Variants in MEF2C observed in about 807,000 individuals in gnomAD.
The protein encoded by MEF2C is myocyte-specific enhancer factor 2C.
Under a neutral mutation model 50.5 loss-of-function variants are expected in MEF2C, and 6 were observed. That is an observed-to-expected ratio of 0.12 (90% confidence interval 0.07 to 0.23). The LOEUF (loss-of-function observed/expected upper bound fraction) is 0.23. Ranked by LOEUF, MEF2C falls within the 10% of genes least tolerant of loss-of-function variation. MEF2C has a pLI of 1.00. For synonymous variants in MEF2C, 183 were observed against 228.0 expected, an observed-to-expected ratio of 0.80 and a Z score of 1.78; for missense variants, 276 against 605.0, an observed-to-expected ratio of 0.46 and a Z score of 5.70.
At chr5:88,819,398 C>G (rs535778369) in intron 2 of MEF2C, 11 of 984,674 alleles carry the variant, frequency 1.1e-5, no homozygotes, top group Non-Finnish European at 1.3e-5. Context: ...CAAAGCTTTG[C>G]GATATCTGGG....
At chr5:88,839,643 C>CATATTACT (rs1487468339) in intron 1 of MEF2C, 2 of 151,714 alleles carry the variant, frequency 1.3e-5, no homozygotes, top group South Asian at 4.2e-4. Context: ...AAAGAGTGTG[C>CATATTACT]ATATTACTCT....
intron 6 of MEF2C, among the ~76,000 whole-genome samples, chr5:88,732,316 G>T (rs889743664): frequency 6.6e-6 from 1 of 152,164 alleles, no homozygotes; most frequent in Non-Finnish European, 1.5e-5. Flanking sequence ...TTGTGTGTCT[G>T]TGTGTCCTTA....
chr5:88,783,587 G>A (rs1789311300), intron 3 of MEF2C, among the ~76,000 whole-genome samples: 1 of 152,050 alleles, frequency 6.6e-6, no homozygotes, highest in African/African-American at 2.4e-5. Flanking sequence ...CTGAGATCAC[G>A]CCATTGCACT....
chr5:88,868,769 A>T (rs1234121288), intron 1 of MEF2C, among the ~76,000 whole-genome samples: 1 of 152,180 alleles, frequency 6.6e-6, no homozygotes, highest in African/African-American at 2.4e-5. Context: ...CAAAGCAATG[A>T]AATTACTTAC....
intron 1 of MEF2C, among the ~76,000 whole-genome samples, chr5:88,857,637 A>G (rs886231920): frequency 6.6e-6 from 1 of 152,168 alleles, no homozygotes; most frequent in Non-Finnish European, 1.5e-5. Context: ...GTTCCCCCGT[A>G]CTGTTCTCCT....
chr5:88,854,355 AAAG>A (rs1202851534), intron 1 of MEF2C, among the ~76,000 whole-genome samples: 2 of 152,218 alleles, frequency 1.3e-5, no homozygotes, highest in African/African-American at 4.8e-5. Flanking sequence ...TCCTGAATAG[AAAG>A]GTGAATAAAA....
At chr5:88,834,864 T>C (rs1814450362) in intron 1 of MEF2C, among the ~76,000 whole-genome samples, 1 of 152,122 alleles carries the variant, frequency 6.6e-6, no homozygotes, top group Admixed American at 6.6e-5. Context: ...GAGGCTCAAA[T>C]AAAAGACAAA....
intron 1 of MEF2C, among the ~76,000 whole-genome samples, chr5:88,890,694 T>C (rs771857535): frequency 4.6e-5 from 7 of 152,210 alleles, no homozygotes; most frequent in Non-Finnish European, 5.9e-5. Context: ...ACTTTATGAC[T>C]GATACCAGCC....
At position 88,747,333 on chromosome 5, in the gene MEF2C, C is replaced by CTTTTTTTTTTTT. The variant is rs950842424; in HGVS notation, c.637+1725_637+1736dup. On this transcript the variant is annotated intron_variant, in intron 6 of 10. Transcript: ENST00000504921. The stretch of plus-strand genomic sequence containing the variant: ...CTCCACATTTTTTTTTTTTTTACTA[C>CTTTTTTTTTTTT]TTTTTTTTTTTTTTTTTTTTTTTTT... Among the ~76,000 whole-genome samples, 5 of 21,748 alleles carry CTTTTTTTTTTTT rather than the reference C, an allele frequency of 2.3e-4. 1 individual carries two copies. The highest frequency in any genetic ancestry group is 4.4e-4 in the African/African-American group (4 of 9,050). 14.3% of individuals were successfully genotyped at this position (21,748 alleles called of 152,430 possible).
chr5:88,799,292 T>C (rs1195409200), intron 3 of MEF2C, among the ~76,000 whole-genome samples: 2 of 152,166 alleles, frequency 1.3e-5, no homozygotes, highest in Non-Finnish European at 2.9e-5. Context: ...GGGAGTTTTA[T>C]CTATAAGCCC....
intron 3 of MEF2C, among the ~76,000 whole-genome samples, chr5:88,779,332 T>C (rs665369): frequency 0.019 from 2,830 of 152,206 alleles, 78 homozygotes; most frequent in African/African-American, 0.064. Context: ...ATGTACACTA[T>C]CGACTAATTG....
At chr5:88,847,113 TAA>T (rs1819616960) in intron 1 of MEF2C, among the ~76,000 whole-genome samples, 1 of 152,248 alleles carries the variant, frequency 6.6e-6, no homozygotes, top group African/African-American at 2.4e-5. Context: ...TGCGGATTTG[TAA>T]TTTTCATTTA....
chr5:88,808,173 T>C (rs1329100943), intron 2 of MEF2C, among the ~76,000 whole-genome samples: 2 of 152,206 alleles, frequency 1.3e-5, no homozygotes, highest in East Asian at 3.9e-4. Context: ...TGTCTTTTAA[T>C]ATTTCTTTTA....
At chr5:88,731,924 C>A in intron 6 of MEF2C, 23 bp from the exon 7 acceptor site, 1 of 1,593,670 alleles carries the variant, frequency 6.3e-7, no homozygotes, top group African/African-American at 1.3e-5. Context: ...AACAATAAAG[C>A]ATTTAGGAAG....
intron 4 of MEF2C, among the ~76,000 whole-genome samples, chr5:88,759,195 C>G (rs180932142): frequency 4.4e-4 from 67 of 152,250 alleles, no homozygotes; most frequent in African/African-American, 1.6e-3. Context: ...AAAAATTGGC[C>G]CAAATGGCGT....
chr5:88,723,703 T>C (rs572803555), intron 10 of MEF2C, among the ~76,000 whole-genome samples: 3 of 152,366 alleles, frequency 2.0e-5, no homozygotes, highest in South Asian at 2.1e-4. Flanking sequence ...TTATTAATGT[T>C]AGTCACTCCC....
intron 2 of MEF2C, among the ~76,000 whole-genome samples, chr5:88,818,152 C>A (rs924214251): frequency 1.3e-5 from 2 of 151,726 alleles, no homozygotes; most frequent in African/African-American, 4.8e-5. Context: ...TGCTAACTAC[C>A]CTGATTTGAT....
intron 1 of MEF2C, among the ~76,000 whole-genome samples, chr5:88,832,539 A>T (rs1397021131): frequency 6.6e-6 from 1 of 152,114 alleles, no homozygotes; most frequent in African/African-American, 2.4e-5. Flanking sequence ...TTTAGAGCTC[A>T]TTGATTGTGT....
intron 1 of MEF2C, among the ~76,000 whole-genome samples, chr5:88,846,224 C>T (rs912928388): frequency 2.0e-5 from 3 of 152,054 alleles, no homozygotes; most frequent in Admixed American, 6.6e-5. Context: ...CCCGCCACCA[C>T]GCCAGGCTAA....
Sources: allele counts gnomAD v4.1 joint callset (sites outside exome capture counted in the v4.1 genomes callset), GRCh38; gene constraint gnomAD v4.1.1; transcripts MANE v1.5; gene names NCBI Gene and HGNC (gene_info 2026-07-23, HGNC 2026-07-21).